The following LRP4 variants were observed in gnomAD, a reference collection of about 807,000 sequenced individuals.
LRP4 encodes LDL receptor related protein 4, also known as low-density lipoprotein receptor-related protein 4.
In LRP4, 95 loss-of-function variants were observed where a neutral mutation model predicts 220.3. The ratio of observed to expected loss-of-function variants is 0.43; its 90% confidence interval spans 0.37 to 0.51. LRP4 has a LOEUF of 0.51. Ranked by LOEUF, LRP4 falls within the 20% of genes least tolerant of loss-of-function variation. The pLI is 0.00. For synonymous variants in LRP4, 903 were observed against 954.6 expected (o/e 0.95, Z 1.00); for missense variants, 1,925 against 2,567.0 (o/e 0.75, Z 5.40).
In LRP4 at chr11:46,858,467, G is replaced by C. The variant is rs1940437267; in HGVS notation, c.*516C>G. 2 of 190,330 alleles carry C rather than the reference G, an allele frequency of 1.1e-5. No individual in the cohort carries two copies. The highest frequency in any genetic ancestry group is 5.3e-5 in the Admixed American group (1 of 18,910). The allele number at this position is 190,330 out of a possible 1,614,324, so 11.8% of individuals were successfully genotyped here. On this transcript the variant is annotated 3_prime_UTR_variant, in exon 38 of 38. Transcript: ENST00000378623. ...CACACTTGAGGCTGGAGGTTTCCCA[G>C]ATGCCCATACCTGCTGGGCTGATTC...
chr11:46,916,233 G>A (rs1015955772), intron 1 of LRP4, among the ~76,000 whole-genome samples: 1 of 152,100 alleles, frequency 6.6e-6, no homozygotes, highest in Admixed American at 6.5e-5. Context: ...GAGCCCAGGA[G>A]TTGGAGACTA....
chr11:46,859,898 G>A (rs1008210508), intron 37 of LRP4, among the ~76,000 whole-genome samples: 1 of 151,980 alleles, frequency 6.6e-6, no homozygotes, highest in Non-Finnish European at 1.5e-5. Context: ...TTCTAATTTT[G>A]TTAAGGAGAA....
chr11:46,885,988 G>C (rs542467919), intron 18 of LRP4, 103 bp downstream of exon 18: 1 of 981,174 alleles, frequency 1.0e-6, no homozygotes, highest in African/African-American at 1.6e-5. Flanking sequence ...AGTGAAGACA[G>C]AAGTGGTCCA....
rs1430623427 is a variant in LRP4, at chr11:46,890,403, G to C, written c.1789C>G (p.Leu597Val). The C allele has an allele frequency of 6.2e-7, 1 of 1,614,200 alleles. No individual in the cohort carries two copies. Reference protein sequence around the residue: ...SGRRIIADTHLFWPNGLTIDY... With the variant: ...SGRRIIADTHVFWPNGLTIDY... ...ATGGTGAGGCCATTGGGCCAGAAGA[G>C]ATGGGTATCGGCAATGATGCGGCGT... Residue 597 changes from leucine to valine, a missense_variant, in exon 14 of 38, where the codon CTC becomes GTC. By Grantham distance (32) the Leu-to-Val change is conservative (BLOSUM62 1). Coordinates refer to ENST00000378623, the MANE Select transcript of LRP4 (RefSeq NM_002334.4). The surrounding 1 kb of genome is among the most constrained non-coding windows in gnomAD (Gnocchi z 5.3).
intron 1 of LRP4, among the ~76,000 whole-genome samples, chr11:46,908,597 G>C (rs1941800775): frequency 6.6e-6 from 1 of 152,082 alleles, no homozygotes; most frequent in Non-Finnish European, 1.5e-5. Flanking sequence ...GTCAAAAGGG[G>C]GAATTTACAA....
Position 46,915,296 on chromosome 11 carries a change from G to A in LRP4, c.52+3032C>T, listed in dbSNP as rs116104874. Among the ~76,000 whole-genome samples, 913 of 152,252 alleles carry A rather than the reference G, an allele frequency of 6.0e-3. 4 individuals are homozygous for A. Among genetic ancestry groups the A allele is most frequent in the African/African-American group, 0.021 (858 of 41,526 alleles). On this transcript the variant is annotated intron_variant, in intron 1 of 37. Transcript: ENST00000378623. ...TACAACCTTCTATCTACCCAAGCACGCCTAGGCAGAAGTTTTAACATTTCC... is the reference window on the plus strand; with the variant it reads ...TACAACCTTCTATCTACCCAAGCACACCTAGGCAGAAGTTTTAACATTTCC...
chr11:46,879,693 A>C (rs1941105653), intron 20 of LRP4, among the ~76,000 whole-genome samples: 1 of 152,256 alleles, frequency 6.6e-6, no homozygotes, highest in Non-Finnish European at 1.5e-5. Context: ...ACCTGTGTCT[A>C]CTGATGAGAC....
In LRP4 at chr11:46,890,176, C is replaced by T. The variant is rs1941388111; in HGVS notation, c.1916-56G>A. 1 of 1,607,406 alleles carries T rather than the reference C, an allele frequency of 6.2e-7. No individual in the cohort carries two copies. The highest frequency in any genetic ancestry group is 8.5e-7 in the Non-Finnish European group (1 of 1,174,262). On this transcript the variant is annotated intron_variant, in intron 14 of 37. Transcript: ENST00000378623. The surrounding 1 kb of genome is among the most constrained non-coding windows in gnomAD (Gnocchi z 5.3). ...GACGTGGTCTGCCATGTCCCCTGGGCCCAGGCCTGGCAACTACACAAAACC... is the reference window on the plus strand; with the variant it reads ...GACGTGGTCTGCCATGTCCCCTGGGTCCAGGCCTGGCAACTACACAAAACC...
chr11:46,868,729 A>G lies in LRP4; in HGVS notation c.4838-16T>C. On this transcript the variant is annotated splice_polypyrimidine_tract_variant and intron_variant, in intron 32 of 37. Transcript: ENST00000378623. ...GCATTGGTCCCTGGAGGCAAAGTAG[A>G]TGAATGTCTTATCTGGGACAGAATC... is the stretch of plus-strand genomic sequence containing the variant. 3 of 1,551,986 alleles carry G rather than the reference A, an allele frequency of 1.9e-6. No homozygotes were observed. The highest frequency in any genetic ancestry group is 2.7e-6 in the Non-Finnish European group (3 of 1,123,128).
Position 46,857,722 on chromosome 11 carries a change from C to G in LRP4, c.*1261G>C, listed in dbSNP as rs1285264315. ...AAGTCTCAATTTCCCTGATACCAGG[C>G]TGAGACACGTGCCCTTTGTGTGAAT... On this transcript the variant is annotated 3_prime_UTR_variant, in exon 38 of 38. Transcript: ENST00000378623. 6.6e-6 allele frequency: 1 copy of G among 152,586 alleles called. No homozygotes were observed. The highest frequency in any genetic ancestry group is 1.9e-4 in the East Asian group (1 of 5,196). 9.5% of individuals were successfully genotyped at this position (152,586 alleles called of 1,614,324 possible). A position where few individuals can be genotyped will look rare whatever the true frequency, so the allele number is the denominator to read the frequency against.
rs372674165 is a variant in LRP4 at position 46,858,939 on chromosome 11, A to C, written c.*44T>G. On this transcript the variant is annotated 3_prime_UTR_variant, in exon 38 of 38. Coordinates refer to ENST00000378623, the MANE Select transcript of LRP4 (RefSeq NM_002334.4). Reference sequence around the variant, plus strand: ...AAGCGAGCACAAGGACTAGACGTCCATAAAGGAGAAGGAACAGGCAGGCAG... The same window carrying C: ...AAGCGAGCACAAGGACTAGACGTCCCTAAAGGAGAAGGAACAGGCAGGCAG... 4 of 1,585,016 alleles carry C rather than the reference A, an allele frequency of 2.5e-6. No homozygotes were observed. In the East Asian group the frequency reaches 8.9e-5, roughly 35 times the overall value.
intron 15 of LRP4, chr11:46,889,735 G>C (rs1455294116): frequency 3.6e-6 from 3 of 842,196 alleles, no homozygotes; most frequent in Non-Finnish European, 5.7e-6. Flanking sequence ...GAATTAGATG[G>C]GAACGGTGAA....
intron 16 of LRP4, among the ~76,000 whole-genome samples, chr11:46,887,528 G>A (rs546560161): frequency 2.6e-5 from 4 of 151,548 alleles, no homozygotes; most frequent in Non-Finnish European, 4.4e-5. Context: ...GTGGAACCCC[G>A]TCTCTACTAA....
Position 46,876,314 on chromosome 11 carries a change from C to T in LRP4, c.3536+152G>A, listed in dbSNP as rs11039015. ...TTTAACTTCTACACTGTACTGTCAC[C>T]CTGCGAGAAGTCACAAGAGAGTGGA... On this transcript the variant is annotated intron_variant, in intron 25 of 37. Coordinates refer to ENST00000378623, the MANE Select transcript of LRP4 (RefSeq NM_002334.4). 758,288 of 844,104 alleles carry T rather than the reference C, an allele frequency of 0.9. 343,215 individuals are homozygous for T. Among genetic ancestry groups the T allele is most frequent in the East Asian group, 1 (41,284 of 41,298 alleles). 52.3% of individuals were successfully genotyped at this position (844,104 alleles called of 1,614,324 possible).
intron 1 of LRP4, among the ~76,000 whole-genome samples, chr11:46,909,324 C>T (rs1483936267): frequency 6.6e-6 from 1 of 151,334 alleles, no homozygotes; most frequent in Non-Finnish European, 1.5e-5. Context: ...AAGGAGGAAT[C>T]GGCCGGGCGC....
chr11:46,874,770 G>T, intron 28 of LRP4, 30 bp downstream of exon 28: 1 of 1,602,960 alleles, frequency 6.2e-7, no homozygotes, highest in Non-Finnish European at 8.5e-7. Context: ...GCAAATCTGT[G>T]TCTTCTGGAG....
chr11:46,898,503 C>T lies in LRP4; in HGVS notation c.796+55G>A, dbSNP rs558552933. The T allele has an allele frequency of 9.1e-5, 147 of 1,612,274 alleles. No homozygotes were observed. In the East Asian group the frequency reaches 3.0e-3, roughly 33 times the overall value. ...GCCCAGCCGGTAGTGGCCTCTTTGG[C>T]TCCACAAGCCTTCTCCTTAGTTCAA... is the stretch of plus-strand genomic sequence containing the variant. On this transcript the variant is annotated intron_variant, in intron 7 of 37. Transcript: ENST00000378623.
intron 1 of LRP4, among the ~76,000 whole-genome samples, chr11:46,910,691 T>TTTTTTTTTTTA (rs1941845071): frequency 6.7e-6 from 1 of 149,898 alleles, no homozygotes; most frequent in African/African-American, 2.5e-5. Context: ...TTTTTTTTTT[T>TTTTTTTTTTTA]GAGGTGGAGT....
intron 10 of LRP4, 64 bp downstream of exon 10, chr11:46,895,820 C>A: frequency 6.2e-7 from 1 of 1,600,934 alleles, no homozygotes; most frequent in Non-Finnish European, 8.5e-7. Context: ...ATAGGAAACA[C>A]AGCTGCCTGT....
Sources: allele counts gnomAD v4.1 joint callset (sites outside exome capture counted in the v4.1 genomes callset), GRCh38; gene constraint gnomAD v4.1.1; non-coding constraint Gnocchi (gnomAD v3.1); transcripts MANE v1.5; gene names NCBI Gene and HGNC (gene_info 2026-07-23, HGNC 2026-07-21).